CCM2: variants seen among roughly 807,000 people sequenced by gnomAD.
The protein encoded by CCM2 is CCM2 scaffold protein.
A neutral mutation model predicts 44.9 loss-of-function variants in CCM2; 25 were observed. The ratio of observed to expected loss-of-function variants is 0.56; its 90% CI spans 0.41 to 0.78. The LOEUF is 0.78. Among genes scored for constraint, CCM2 ranks in the 30% least tolerant of loss-of-function variants. The pLI, the probability that CCM2 is intolerant of heterozygous loss-of-function variation, is 0.00. For synonymous variants in CCM2, 219 were observed against 241.1 expected (o/e 0.91, Z 0.85); for missense variants, 481 against 580.6 (o/e 0.83, Z 1.76).
chr7:45,044,270 A>G (rs562689124), intron 2 of CCM2, among the ~76,000 whole-genome samples: 3 of 152,208 alleles, frequency 2.0e-5, no homozygotes, highest in Non-Finnish European at 4.4e-5. Context: ...AGTGGCTGGG[A>G]CTGCAGAAGC....
At chr7:45,002,893 A>G (rs763317585) in intron 1 of CCM2, among the ~76,000 whole-genome samples, 1 of 152,156 alleles carries the variant, frequency 6.6e-6, no homozygotes, top group Non-Finnish European at 1.5e-5. Context: ...GTGCATTGAC[A>G]GAAAAGTCCT....
At chr7:45,008,808 A>G (rs1455936439) in intron 1 of CCM2, among the ~76,000 whole-genome samples, 1 of 152,152 alleles carries the variant, frequency 6.6e-6, no homozygotes, top group Non-Finnish European at 1.5e-5. Flanking sequence ...TCACCTTTAC[A>G]TAGCTTTTAC....
At chr7:45,057,889 G>T (rs1798338951) in intron 2 of CCM2, among the ~76,000 whole-genome samples, 2 of 152,188 alleles carry the variant, frequency 1.3e-5, no homozygotes, top group African/African-American at 4.8e-5. Flanking sequence ...TTATGGAGCT[G>T]CCCAGCACAC....
chr7:45,064,378 C>T (rs533950195), intron 3 of CCM2, 85 bp from the exon 4 acceptor site: 37 of 1,336,692 alleles, frequency 2.8e-5, no homozygotes, highest in East Asian at 4.7e-5. Context: ...TGTGTGACAT[C>T]GGCCAGCACA....
chr7:45,066,774 C>G (rs1798796899), intron 4 of CCM2, among the ~76,000 whole-genome samples: 1 of 152,110 alleles, frequency 6.6e-6, no homozygotes, highest in African/African-American at 2.4e-5. Flanking sequence ...TTAGGCTGCC[C>G]ACCCTGCTTC....
chr7:45,050,878 A>T (rs56291124), intron 2 of CCM2, among the ~76,000 whole-genome samples: 20,275 of 152,226 alleles, frequency 0.13, 1,653 homozygotes, highest in Middle Eastern at 0.23. Flanking sequence ...ACTGATCTGT[A>T]AAGGGCATGC....
chr7:45,072,460 G>T, intron 6 of CCM2: 1 of 587,234 alleles, frequency 1.7e-6, no homozygotes, highest in Non-Finnish European at 3.1e-6. Context: ...CTCTGGCCAT[G>T]GGTGAATGTG....
intron 1 of CCM2, chr7:45,027,213 T>C (rs1796727033): frequency 3.7e-6 from 1 of 267,640 alleles, no homozygotes; most frequent in Non-Finnish European, 7.3e-6. Flanking sequence ...GAGCAAGCAC[T>C]GCAAATGGGG....
In CCM2 at chr7:45,012,274, C is replaced by T. The variant is rs188209345; in HGVS notation, c.30+11911C>T. Among the ~76,000 whole-genome samples, 198 of 151,730 alleles carry T rather than the reference C, an allele frequency of 1.3e-3. 3 individuals carry two copies. In the East Asian group the frequency reaches 0.036, roughly 27 times the overall value. ...TCAGCCTTCTGAGTAGCTGGAATTACAGGCATGCACCACCATGCCCAGGTA... is the reference window on the plus strand; with the variant it reads ...TCAGCCTTCTGAGTAGCTGGAATTATAGGCATGCACCACCATGCCCAGGTA... On this transcript the variant is annotated intron_variant, in intron 1 of 9. Transcript: ENST00000258781.
intron 2 of CCM2, 63 bp downstream of exon 2, chr7:45,038,489 A>C (rs1361902167): frequency 7.1e-6 from 11 of 1,543,176 alleles, no homozygotes; most frequent in African/African-American, 2.7e-5. Flanking sequence ...GCTTGTATCC[A>C]CCAGACACTC....
intron 5 of CCM2, among the ~76,000 whole-genome samples, 175 bp from the exon 6 acceptor site, chr7:45,069,651 T>G (rs970913159): frequency 6.6e-6 from 1 of 152,256 alleles, no homozygotes; most frequent in Non-Finnish European, 1.5e-5. Context: ...GGCAGTTGGC[T>G]GGGTCTCTCT....
At chr7:45,072,668 A>G (rs1336367240) in intron 6 of CCM2, 58 bp from the exon 7 acceptor site, 2 of 1,373,330 alleles carry the variant, frequency 1.5e-6, no homozygotes, top group African/African-American at 1.4e-5. Context: ...GCTGGACTCA[A>G]AATGCCTCCC....
chr7:45,044,259 G>A (rs1222217827), intron 2 of CCM2, among the ~76,000 whole-genome samples: 4 of 152,290 alleles, frequency 2.6e-5, no homozygotes, highest in Non-Finnish European at 5.9e-5. Context: ...TCAGCCTCCC[G>A]AGTGGCTGGG....
chr7:45,051,908 T>C (rs1390063660), intron 2 of CCM2, among the ~76,000 whole-genome samples: 3 of 152,172 alleles, frequency 2.0e-5, no homozygotes, highest in African/African-American at 7.2e-5. Context: ...GGTTTCACTG[T>C]GTTAGCCAGG....
At chr7:45,012,074 C>T (rs1017346583) in intron 1 of CCM2, among the ~76,000 whole-genome samples, 8 of 148,862 alleles carry the variant, frequency 5.4e-5, no homozygotes, top group African/African-American at 2.0e-4. Context: ...TTAGTTTTGG[C>T]TTCATGTATT....
At chr7:45,074,559 G>T in intron 9 of CCM2, 151 bp downstream of exon 9, 1 of 733,612 alleles carries the variant, frequency 1.4e-6, no homozygotes, top group Non-Finnish European at 2.4e-6. Flanking sequence ...TGAGAGCAGA[G>T]TCCAGAGATC....
chr7:45,031,106 G>A (rs1394246821), intron 1 of CCM2, among the ~76,000 whole-genome samples: 2 of 151,978 alleles, frequency 1.3e-5, no homozygotes, highest in Admixed American at 1.3e-4. Context: ...GCCTTGCCCA[G>A]GTGCAGTGGC....
At chr7:45,030,990 G>C (rs972757103) in intron 1 of CCM2, among the ~76,000 whole-genome samples, 100 of 152,136 alleles carry the variant, frequency 6.6e-4, no homozygotes, top group African/African-American at 2.1e-3. Context: ...TCCCAAAGTG[G>C]TGTGATTACA....
Position 45,072,713 on chromosome 7 carries a change from A to G in CCM2, c.746-13A>G, listed in dbSNP as rs756484719. On this transcript the variant is annotated splice_polypyrimidine_tract_variant and intron_variant, in intron 6 of 9. Coordinates refer to ENST00000258781, the MANE Select transcript of CCM2 (RefSeq NM_031443.4). ...CCTGAAAGTCATCTTAGTTTTCTGC[A>G]TCTTCCTTACAGATGACTCTTCTAC... is the stretch of plus-strand genomic sequence containing the variant. 1 of 1,609,384 alleles carries G rather than the reference A, an allele frequency of 6.2e-7. No individual in the cohort carries two copies. Among genetic ancestry groups the G allele is most frequent in the Non-Finnish European group, 8.5e-7 (1 of 1,176,218 alleles).
Sources: gnomAD v4.1 joint callset for allele counts (sites outside exome capture counted in the v4.1 genomes callset) on GRCh38, gnomAD v4.1.1 for gene constraint, MANE v1.5 for transcripts, NCBI Gene and HGNC (gene_info 2026-07-23, HGNC 2026-07-21) for gene names.